GPHN: variants seen among roughly 807,000 people sequenced by gnomAD.
The protein encoded by GPHN is gephyrin.
GPHN carries 17 observed loss-of-function variants against 95.5 expected under a neutral mutation model. The ratio of observed to expected loss-of-function variants is 0.18; its 90% CI spans 0.12 to 0.27. The LOEUF is 0.27. Ranked by LOEUF, GPHN falls within the 10% of genes least tolerant of loss-of-function variation. The pLI is 1.00. For missense variants in GPHN, 660 were observed against 978.1 expected (o/e 0.67, Z 4.34); for synonymous variants, 320 against 322.5 (o/e 0.99, Z 0.08).
rs532780506 is a variant in GPHN at position 66,852,411 on chromosome 14, A to T, written c.295-27528A>T. The stretch of plus-strand genomic sequence containing the variant: ...TGTGTGCGTGCGCGTGCGCGTGTTC[A>T]CCTGTGCACACATTCACGCGCTAAA... On this transcript the variant is annotated intron_variant, in intron 4 of 22. Transcript: ENST00000478722. Among the ~76,000 whole-genome samples, 19 of 152,346 alleles carry T rather than the reference A, an allele frequency of 1.2e-4. 2 individuals are homozygous for T. The South Asian group carries it at 3.9e-3, about 32-fold the overall frequency.
chr14:66,817,681 C>CTT (rs2153487724), intron 3 of GPHN, among the ~76,000 whole-genome samples: 1 of 152,288 alleles, frequency 6.6e-6, no homozygotes, highest in South Asian at 2.1e-4. Context: ...TCTGGAGAAT[C>CTT]TAAGCCTCAC....
intron 1 of GPHN, among the ~76,000 whole-genome samples, chr14:66,635,698 A>C (rs925380046): frequency 6.6e-6 from 1 of 152,240 alleles, no homozygotes; most frequent in African/African-American, 2.4e-5. Flanking sequence ...CTTATTTCTT[A>C]TCAGCAAAAG....
the GPHN span, chr14:67,579,311 T>C: frequency 3.3e-6 from 5 of 1,512,926 alleles, no homozygotes; most frequent in Middle Eastern, 2.1e-4. Context: ...GGACTTACCA[T>C]GTGAGGAGCT....
chr14:67,250,987 C>CA, the GPHN span, among the ~76,000 whole-genome samples: 1 of 152,296 alleles, frequency 6.6e-6, no homozygotes, highest in African/African-American at 2.4e-5. Context: ...TTAACAACTA[C>CA]ATTTCAAGTT....
chr14:67,458,840 C>T, the GPHN span, among the ~76,000 whole-genome samples: 1 of 152,194 alleles, frequency 6.6e-6, no homozygotes, highest in Non-Finnish European at 1.5e-5. Flanking sequence ...ACCTCAGCCT[C>T]CTATGTAGCT....
the GPHN span, chr14:67,381,762 C>A: frequency 2.5e-5 from 21 of 825,770 alleles, no homozygotes; most frequent in Non-Finnish European, 3.8e-5. Flanking sequence ...ATCTTTGTTT[C>A]TTTTTTTTTT....
chr14:67,082,980 C>T (rs1024273109), intron 11 of GPHN, among the ~76,000 whole-genome samples: 2 of 152,050 alleles, frequency 1.3e-5, no homozygotes, highest in Non-Finnish European at 2.9e-5. Flanking sequence ...CATTTGTTTT[C>T]ACTTATTTTC....
At chr14:67,199,955 G>C in the GPHN span, 31 of 1,303,402 alleles carry the variant, frequency 2.4e-5, 1 homozygote, top group South Asian at 4.7e-4. Flanking sequence ...TTCCCACCAG[G>C]AGGAGTGCCC....
At chr14:67,174,586 G>A (rs1003779991) in intron 21 of GPHN, among the ~76,000 whole-genome samples, 1 of 152,146 alleles carries the variant, frequency 6.6e-6, no homozygotes, top group African/African-American at 2.4e-5. Context: ...AATCCTTTGG[G>A]TATATACCCA....
chr14:67,392,651 C>T, the GPHN span: 1 of 1,604,926 alleles, frequency 6.2e-7, no homozygotes, highest in South Asian at 1.1e-5. Flanking sequence ...AGAACCCACT[C>T]CCCAACTTAC....
chr14:66,850,166 A>T (rs1483293314), intron 4 of GPHN, among the ~76,000 whole-genome samples: 2 of 152,124 alleles, frequency 1.3e-5, no homozygotes, highest in African/African-American at 4.8e-5. Flanking sequence ...CTATTCATAG[A>T]TATAAGCCCT....
At chr14:67,379,915 A>G in the GPHN span, among the ~76,000 whole-genome samples, 2 of 151,500 alleles carry the variant, frequency 1.3e-5, no homozygotes, top group East Asian at 1.9e-4. Flanking sequence ...CGGCCTCCCA[A>G]AGTGTCTTTT....
At chr14:67,118,865 A>G (rs2078852401) in intron 16 of GPHN, among the ~76,000 whole-genome samples, 1 of 152,212 alleles carries the variant, frequency 6.6e-6, no homozygotes, top group Admixed American at 6.5e-5. Flanking sequence ...GCCTTCGGCT[A>G]AAAAATATTT....
chr14:67,158,134 G>A (rs1331777663), intron 18 of GPHN, among the ~76,000 whole-genome samples: 1 of 151,762 alleles, frequency 6.6e-6, no homozygotes, highest in African/African-American at 2.4e-5. Context: ...TGGTGAAACA[G>A]TGTCTCTACT....
At position 66,508,446 on chromosome 14, in the gene GPHN, T is replaced by C; in HGVS notation, c.-82T>C. 7.8e-7 allele frequency: 1 copy of C among 1,289,180 alleles called. No homozygotes were observed. Among genetic ancestry groups the C allele is most frequent in the Admixed American group, 1.7e-5 (1 of 59,550 alleles). 79.9% of individuals were successfully genotyped at this position (1,289,180 alleles called of 1,614,324 possible). ...TGGCTCCCTAGCTGTCGCGCTCTCC[T>C]CGGCGAGCGCGCTCCCGGCCCGCGC... On this transcript the variant is annotated 5_prime_UTR_variant, in exon 1 of 23. Transcript: ENST00000478722.
the GPHN span, chr14:67,585,111 C>T: frequency 6.4e-6 from 1 of 156,630 alleles, no homozygotes; most frequent in Non-Finnish European, 1.4e-5. Context: ...TTCTTGCTTT[C>T]CTATTTCTTT....
At chr14:66,989,655 G>GAAA (rs34801654) in intron 9 of GPHN, among the ~76,000 whole-genome samples, 214 of 111,468 alleles carry the variant, frequency 1.9e-3, no homozygotes, top group African/African-American at 5.6e-3. Context: ...GTCCAATATA[G>GAAA]AAAAAAAAAA....
intron 2 of GPHN, among the ~76,000 whole-genome samples, chr14:66,704,585 C>G (rs111594105): frequency 2.0e-5 from 3 of 151,980 alleles, no homozygotes. Context: ...GAAATTAAGG[C>G]AGAATTCAAG....
In GPHN at chr14:66,614,961, G is replaced by T. The variant is rs565687249; in HGVS notation, c.65-66146G>T. On this transcript the variant is annotated intron_variant, in intron 1 of 22. Coordinates refer to ENST00000478722, the MANE Select transcript of GPHN (RefSeq NM_020806.5). ...AACTCCCACTTATGAGTGAGAACGT[G>T]CAGTGTTTGGTTTCTGTTCCTGTGT... 2.7e-4 allele frequency among the ~76,000 whole-genome samples: 41 copies of T among 152,258 alleles called. No individual in the cohort carries two copies. In the East Asian group the frequency reaches 7.5e-3, roughly 28 times the overall value.
Sources: allele counts gnomAD v4.1 joint callset (sites outside exome capture counted in the v4.1 genomes callset), GRCh38; gene constraint gnomAD v4.1.1; transcripts MANE v1.5; gene names NCBI Gene and HGNC (gene_info 2026-07-23, HGNC 2026-07-21).